MAML2: variants seen among roughly 807,000 people sequenced by gnomAD.
MAML2 encodes mastermind-like protein 2.
A neutral mutation model predicts 96.1 loss-of-function variants in MAML2; 22 were observed. The observed-to-expected ratio is 0.23, with a 90% CI of 0.16 to 0.33. The LOEUF is 0.33. MAML2 is among the 10% of genes least tolerant of loss of function. MAML2 has a pLI of 1.00. For synonymous variants in MAML2, 561 were observed against 521.3 expected (o/e 1.08, Z -1.04); for missense variants, 1,367 against 1,392.4 (o/e 0.98, Z 0.29).
At chr11:96,191,999 G>T (rs1861660521) in intron 1 of MAML2, among the ~76,000 whole-genome samples, 2 of 152,182 alleles carry the variant, frequency 1.3e-5, no homozygotes, top group Admixed American at 1.3e-4. Context: ...TTCCCGCAAT[G>T]AACGCTTTCC....
At chr11:96,004,975 A>G (rs1233955542) in intron 2 of MAML2, among the ~76,000 whole-genome samples, 1 of 152,116 alleles carries the variant, frequency 6.6e-6, no homozygotes, top group Non-Finnish European at 1.5e-5. Context: ...GTGCCCTTAT[A>G]AAAGGGATTG....
At chr11:96,153,591 T>C (rs893131963) in intron 1 of MAML2, among the ~76,000 whole-genome samples, 2 of 152,168 alleles carry the variant, frequency 1.3e-5, no homozygotes, top group African/African-American at 4.8e-5. Context: ...GTGGCCTGTG[T>C]TTCAGTTGTC....
intron 1 of MAML2, among the ~76,000 whole-genome samples, chr11:96,119,193 G>A (rs1035866236): frequency 1.3e-5 from 2 of 152,170 alleles, no homozygotes; most frequent in African/African-American, 4.8e-5. Flanking sequence ...CCTGGGACCT[G>A]TGAATATGTG....
At chr11:96,106,811 A>G (rs551255200) in intron 1 of MAML2, among the ~76,000 whole-genome samples, 3,056 of 151,554 alleles carry the variant, frequency 0.02, 99 homozygotes, top group African/African-American at 0.069. Flanking sequence ...CTGGGACTTA[A>G]CTCCCCCCTA....
chr11:96,081,326 T>TTATGAATATGAATATTTATAATATTCAC, intron 2 of MAML2, among the ~76,000 whole-genome samples: 1 of 152,082 alleles, frequency 6.6e-6, no homozygotes, highest in East Asian at 1.9e-4. Context: ...ATAATATTCA[T>TTATGAATATGAATATTTATAATATTCAC]ATAAGATTTT....
At chr11:96,178,487 T>G (rs1456217934) in intron 1 of MAML2, among the ~76,000 whole-genome samples, 1 of 152,156 alleles carries the variant, frequency 6.6e-6, no homozygotes, top group African/African-American at 2.4e-5. Context: ...GACCTTACTG[T>G]GCACTAGGTC....
chr11:96,237,386 G>C (rs964670030), intron 1 of MAML2, among the ~76,000 whole-genome samples: 2 of 152,142 alleles, frequency 1.3e-5, no homozygotes, highest in African/African-American at 4.8e-5. Flanking sequence ...ACTCCTTTGA[G>C]ACTTACTGCC....
intron 1 of MAML2, among the ~76,000 whole-genome samples, chr11:96,243,798 C>T (rs931458236): frequency 1.3e-5 from 2 of 151,982 alleles, no homozygotes; most frequent in Non-Finnish European, 2.9e-5. Flanking sequence ...GGACTACAGG[C>T]GCACGCCACC....
chr11:96,307,692 G>T (rs887284990), intron 1 of MAML2, among the ~76,000 whole-genome samples: 2 of 152,254 alleles, frequency 1.3e-5, no homozygotes, highest in African/African-American at 4.8e-5. Flanking sequence ...TGGCAGCTCC[G>T]TACAGCAGAT....
intron 1 of MAML2, among the ~76,000 whole-genome samples, chr11:96,309,206 G>A (rs1381069265): frequency 6.6e-6 from 1 of 152,118 alleles, no homozygotes; most frequent in Admixed American, 6.5e-5. Flanking sequence ...GCATCATACT[G>A]GGATTTGGAA....
At chr11:96,061,915 C>T (rs7942022) in intron 2 of MAML2, among the ~76,000 whole-genome samples, 2,550 of 152,026 alleles carry the variant, frequency 0.017, 70 homozygotes, top group African/African-American at 0.059. Context: ...AGATGTTTAA[C>T]GTGAAAGCTT....
chr11:96,141,492 T>G lies in MAML2; in HGVS notation c.514-47975A>C, dbSNP rs147192176. The stretch of plus-strand genomic sequence containing the variant: ...CCTGAGAACAGGGCATATTTAGGTC[T>G]GTCAGATGGAGAAGAGAAATCCCAC... On this transcript the variant is annotated intron_variant, in intron 1 of 4. Coordinates refer to ENST00000524717, the MANE Select transcript of MAML2 (RefSeq NM_032427.4). Among the ~76,000 whole-genome samples, 252 of 152,136 alleles carry G rather than the reference T, an allele frequency of 1.7e-3. 1 individual carries two copies. The highest frequency in any genetic ancestry group is 5.9e-3 in the African/African-American group (245 of 41,488).
At position 95,985,487 on chromosome 11, in the gene MAML2, T is replaced by C. The variant is rs199793576; in HGVS notation, c.2455+44A>G. 387 of 1,199,586 alleles carry C rather than the reference T, an allele frequency of 3.2e-4. 2 individuals carry two copies. The East Asian group carries it at 9.4e-3, about 29-fold the overall frequency. 74.3% of individuals were successfully genotyped at this position (1,199,586 alleles called of 1,614,324 possible). A position where few individuals can be genotyped will look rare whatever the true frequency, so the allele number is the denominator to read the frequency against. Reference sequence around the variant, plus strand: ...ATTATTGAAAATTGAAGTTTTTTTTTCCTTTCACAGCTATAATTTTTATTA... The same window carrying C: ...ATTATTGAAAATTGAAGTTTTTTTTCCCTTTCACAGCTATAATTTTTATTA... On this transcript the variant is annotated intron_variant, in intron 4 of 4. Coordinates refer to ENST00000524717, the MANE Select transcript of MAML2 (RefSeq NM_032427.4).
At chr11:96,161,387 T>C (rs901213417) in intron 1 of MAML2, among the ~76,000 whole-genome samples, 1 of 152,348 alleles carries the variant, frequency 6.6e-6, no homozygotes, top group East Asian at 1.9e-4. Context: ...CCTGCTAGTA[T>C]GACTACTTGA....
At chr11:96,146,134 T>TA (rs1197646335) in intron 1 of MAML2, among the ~76,000 whole-genome samples, 3 of 152,246 alleles carry the variant, frequency 2.0e-5, no homozygotes, top group Non-Finnish European at 4.4e-5. Flanking sequence ...GGGAAAAGGT[T>TA]TATATATCCA....
intron 1 of MAML2, among the ~76,000 whole-genome samples, chr11:96,111,674 A>G (rs1240606739): frequency 2.6e-5 from 4 of 152,246 alleles, no homozygotes; most frequent in Non-Finnish European, 1.5e-5. Context: ...GGTGCTTGAC[A>G]GTGACATTGT....
intron 1 of MAML2, among the ~76,000 whole-genome samples, chr11:96,288,934 G>A (rs1488026383): frequency 2.0e-5 from 3 of 152,106 alleles, no homozygotes; most frequent in Non-Finnish European, 4.4e-5. Flanking sequence ...TAATATGTAT[G>A]CTCTGATAAT....
chr11:96,238,715 G>C (rs533202320), intron 1 of MAML2, among the ~76,000 whole-genome samples: 2 of 152,338 alleles, frequency 1.3e-5, no homozygotes, highest in East Asian at 3.8e-4. Flanking sequence ...AGAGGCATGT[G>C]AGCTTATTCA....
chr11:96,259,449 A>C (rs1456208158), intron 1 of MAML2, among the ~76,000 whole-genome samples: 2 of 152,160 alleles, frequency 1.3e-5, no homozygotes, highest in Non-Finnish European at 2.9e-5. Flanking sequence ...AACTGTGGAG[A>C]GTGAAGTGAA....
Sources: gnomAD v4.1 joint callset for allele counts (sites outside exome capture counted in the v4.1 genomes callset) on GRCh38, gnomAD v4.1.1 for gene constraint, MANE v1.5 for transcripts, NCBI Gene and HGNC (gene_info 2026-07-23, HGNC 2026-07-21) for gene names.